The following RARB variants were observed in gnomAD, a reference collection of about 807,000 sequenced individuals.
RARB encodes the protein HBV-activated protein.
In RARB, 17 loss-of-function variants were observed where a neutral mutation model predicts 51.9. That is an observed-to-expected ratio of 0.33 (90% CI 0.22 to 0.49). RARB has a LOEUF of 0.49. Among genes scored for constraint, RARB ranks in the 20% least tolerant of loss-of-function variants. RARB has a pLI of 0.99. For synonymous variants in RARB, 215 were observed against 195.4 expected (o/e 1.10, Z -0.84); for missense variants, 369 against 550.8 (o/e 0.67, Z 3.30).
chr3:25,433,417 T>C (rs1366989195), intron 1 of RARB, among the ~76,000 whole-genome samples: 1 of 152,230 alleles, frequency 6.6e-6, no homozygotes, highest in African/African-American at 2.4e-5. Context: ...TGAACATGAA[T>C]TCCTTTCGTA....
chr3:24,860,522 G>A (rs573856721), intron 2 of RARB, among the ~76,000 whole-genome samples: 1 of 152,174 alleles, frequency 6.6e-6, no homozygotes, highest in Admixed American at 6.5e-5. Flanking sequence ...CTATTCCTCA[G>A]TGTAGGCAAA....
chr3:25,461,440 C>T, intron 2 of RARB, 99 bp downstream of exon 2: 1 of 1,337,602 alleles, frequency 7.5e-7, no homozygotes, highest in Non-Finnish European at 1.0e-6. Context: ...TGTGTAACAT[C>T]ACCTCCCATA....
At chr3:25,140,571 C>A (rs1700092684) in intron 4 of RARB, among the ~76,000 whole-genome samples, 3 of 152,230 alleles carry the variant, frequency 2.0e-5, no homozygotes, top group African/African-American at 7.2e-5. Flanking sequence ...GAATATATTC[C>A]TGGTGAAGAT....
At chr3:24,961,542 CTT>C in intron 2 of RARB, among the ~76,000 whole-genome samples, 1 of 147,230 alleles carries the variant, frequency 6.8e-6, no homozygotes, top group Non-Finnish European at 1.5e-5. Flanking sequence ...GGTAATAACT[CTT>C]TATCTATGGA....
intron 4 of RARB, among the ~76,000 whole-genome samples, chr3:25,571,234 C>T (rs1420122247): frequency 2.0e-5 from 3 of 152,216 alleles, no homozygotes; most frequent in East Asian, 1.9e-4. Flanking sequence ...AGAGGTAGAA[C>T]CTTGAGCAGT....
chr3:25,103,640 C>T lies in RARB; in HGVS notation c.-327-28521C>T, dbSNP rs115811962. 5.6e-3 allele frequency among the ~76,000 whole-genome samples: 857 copies of T among 152,320 alleles called. 10 individuals carry two copies. The highest frequency in any genetic ancestry group is 0.027 in the Middle Eastern group (8 of 294). On this transcript the variant is annotated intron_variant, in intron 3 of 11. Transcript: ENST00000383772. Reference sequence around the variant, plus strand: ...GAATAGAGCTGGAAACAATACAGATCTTTTCTCAGCTAATCCTCACAGCTA... The same window carrying T: ...GAATAGAGCTGGAAACAATACAGATTTTTTCTCAGCTAATCCTCACAGCTA...
At chr3:25,517,330 A>G (rs1295657378) in intron 3 of RARB, among the ~76,000 whole-genome samples, 1 of 152,242 alleles carries the variant, frequency 6.6e-6, no homozygotes, top group Non-Finnish European at 1.5e-5. Context: ...AAAATGGGCA[A>G]TGGATTTGAG....
chr3:25,066,357 C>G (rs1437810312), intron 3 of RARB, among the ~76,000 whole-genome samples: 3 of 152,152 alleles, frequency 2.0e-5, no homozygotes, highest in African/African-American at 7.2e-5. Context: ...GCATGTGTTA[C>G]TATCAAATTT....
intron 3 of RARB, among the ~76,000 whole-genome samples, chr3:25,556,555 C>T (rs570362173): frequency 6.6e-6 from 1 of 152,108 alleles, no homozygotes; most frequent in African/African-American, 2.4e-5. Context: ...CCATATATAG[C>T]TTTGGAATTA....
At chr3:24,925,341 G>C (rs1334016565) in intron 2 of RARB, among the ~76,000 whole-genome samples, 1 of 151,922 alleles carries the variant, frequency 6.6e-6, no homozygotes, top group Non-Finnish European at 1.5e-5. Flanking sequence ...TTGTAGATAT[G>C]TCCTTGGAAA....
chr3:25,470,809 T>TAAGTCATTATTACC (rs533013884), intron 2 of RARB, among the ~76,000 whole-genome samples: 17 of 152,098 alleles, frequency 1.1e-4, no homozygotes, highest in African/African-American at 3.9e-4. Context: ...CAATTGAAAT[T>TAAGTCATTATTACC]AAGTCATTAT....
intron 3 of RARB, among the ~76,000 whole-genome samples, chr3:25,068,132 TCAAAAAA>T (rs1698698851): frequency 2.4e-5 from 1 of 41,344 alleles, no homozygotes; most frequent in Non-Finnish European, 3.9e-5. Flanking sequence ...AGACTCCATC[TCAAAAAA>T]AAAAAAAAAA....
chr3:24,848,594 G>C (rs930129090), intron 1 of RARB, among the ~76,000 whole-genome samples: 69 of 152,138 alleles, frequency 4.5e-4, no homozygotes, highest in Non-Finnish European at 1.5e-4. Flanking sequence ...CCTCACGAAG[G>C]GTACCTCTGT....
chr3:24,894,031 G>T (rs556292312), intron 2 of RARB, among the ~76,000 whole-genome samples: 3 of 152,234 alleles, frequency 2.0e-5, no homozygotes, highest in African/African-American at 7.2e-5. Flanking sequence ...GAAAGAGATG[G>T]CAGAATCCTA....
chr3:25,585,069 C>T (rs1385826051), intron 5 of RARB, among the ~76,000 whole-genome samples: 1 of 152,052 alleles, frequency 6.6e-6, no homozygotes, highest in Non-Finnish European at 1.5e-5. Context: ...CAAAATCTGG[C>T]TCTGCTGCTT....
intron 2 of RARB, among the ~76,000 whole-genome samples, chr3:24,912,588 C>G (rs1695013144): frequency 6.6e-6 from 1 of 152,022 alleles, no homozygotes; most frequent in African/African-American, 2.4e-5. Context: ...TTTTAATAAT[C>G]CTAGAAACAG....
intron 4 of RARB, among the ~76,000 whole-genome samples, chr3:25,142,814 T>A (rs1700130582): frequency 7.8e-6 from 1 of 128,404 alleles, no homozygotes; most frequent in Admixed American, 7.4e-5. Flanking sequence ...TACCTCGGGC[T>A]CTGTGGTCAA....
At chr3:25,534,512 C>T (rs752993834) in intron 3 of RARB, among the ~76,000 whole-genome samples, 2 of 152,258 alleles carry the variant, frequency 1.3e-5, no homozygotes, top group Admixed American at 1.3e-4. Flanking sequence ...GTGCTTCTCC[C>T]GCTCTTCCTG....
chr3:25,468,272 G>A (rs991196815), intron 2 of RARB, among the ~76,000 whole-genome samples: 62 of 151,840 alleles, frequency 4.1e-4, no homozygotes, highest in African/African-American at 1.4e-3. Flanking sequence ...GCTGGCTTAC[G>A]TGGAGTAAGA....
Sources: gnomAD v4.1 joint callset for allele counts (sites outside exome capture counted in the v4.1 genomes callset) on GRCh38, gnomAD v4.1.1 for gene constraint, MANE v1.5 for transcripts, NCBI Gene and HGNC (gene_info 2026-07-23, HGNC 2026-07-21) for gene names.